Variants in TGIF1 observed in about 807,000 individuals in gnomAD.
The protein encoded by TGIF1 is TGFB induced factor homeobox 1, also known as homeobox protein TGIF1.
Under a neutral mutation model 19.3 loss-of-function variants are expected in TGIF1, and 4 were observed. The observed-to-expected ratio is 0.21, with a 90% CI of 0.10 to 0.47. The LOEUF is 0.47. Among genes scored for constraint, TGIF1 ranks in the 20% least tolerant of loss-of-function variants. The pLI, the probability that TGIF1 is intolerant of heterozygous loss-of-function variation, is 0.98. For missense variants in TGIF1, 275 were observed against 341.4 expected, an observed-to-expected ratio of 0.81 and a Z score of 1.53; for synonymous variants, 122 against 129.3, an observed-to-expected ratio of 0.94 and a Z score of 0.38.
chr18:3,456,671 G>A lies in TGIF1; in HGVS notation c.243+91G>A. 6 of 1,129,196 alleles carry A rather than the reference G, an allele frequency of 5.3e-6. No individual in the cohort carries two copies. Among genetic ancestry groups the A allele is most frequent in the Non-Finnish European group, 8.0e-6 (6 of 752,814 alleles). 69.9% of individuals were successfully genotyped at this position (1,129,196 alleles called of 1,614,324 possible). On this transcript the variant is annotated intron_variant, in intron 2 of 2. Coordinates refer to ENST00000343820, the MANE Select transcript of TGIF1 (RefSeq NM_003244.4). The surrounding 1 kb of genome is among the most constrained non-coding windows in gnomAD (Gnocchi z 4.2). ...TGTGTGTCAAGTCATTAAGCTCCTT[G>A]CCACTCAAAGACAGAAGGAATATCT...
intron 1 of TGIF1, among the ~76,000 whole-genome samples, chr18:3,452,800 C>G (rs2083020408): frequency 6.6e-6 from 1 of 152,160 alleles, no homozygotes; most frequent in South Asian, 2.1e-4. Flanking sequence ...GTCTGCAAAT[C>G]TTTTCAAGTT....
intron 2 of TGIF1, among the ~76,000 whole-genome samples, chr18:3,424,484 C>G (rs1028367153): frequency 4.3e-4 from 66 of 151,852 alleles, no homozygotes; most frequent in Non-Finnish European, 1.5e-4. Flanking sequence ...CCAGATTTCT[C>G]TCCTGTGATA....
At chr18:3,446,753 C>G (rs1163733908), upstream of TGIF1, among the ~76,000 whole-genome samples, 1 of 152,154 alleles carries the variant, frequency 6.6e-6, no homozygotes, top group Non-Finnish European at 1.5e-5. Flanking sequence ...GTCCAAGACC[C>G]TCTGACCTGA....
intron 2 of TGIF1, among the ~76,000 whole-genome samples, chr18:3,423,450 C>A (rs750553138): frequency 1.3e-5 from 2 of 151,866 alleles, no homozygotes; most frequent in Admixed American, 6.6e-5. Context: ...GAGGCCAGGG[C>A]GGGCAGATCA....
chr18:3,440,794 G>C (rs2082670827), intron 2 of TGIF1, among the ~76,000 whole-genome samples: 1 of 152,122 alleles, frequency 6.6e-6, no homozygotes, highest in South Asian at 2.1e-4. Flanking sequence ...ACGGATGTAG[G>C]CTCCCTGAGT....
chr18:3,430,968 G>A (rs2082539667), intron 2 of TGIF1, among the ~76,000 whole-genome samples: 1 of 152,092 alleles, frequency 6.6e-6, no homozygotes, highest in South Asian at 2.1e-4. Flanking sequence ...ACACATGTCT[G>A]TATGATCTGA....
chr18:3,457,217 C>A lies in TGIF1; in HGVS notation c.244-148C>A. 1.1e-6 allele frequency: 1 copy of A among 935,050 alleles called. No individual in the cohort carries two copies. Among genetic ancestry groups the A allele is most frequent in the Admixed American group, 2.1e-5 (1 of 47,972 alleles). The allele number at this position is 935,050 out of a possible 1,614,324, so 57.9% of individuals were successfully genotyped here. On this transcript the variant is annotated intron_variant, in intron 2 of 2. Transcript: ENST00000343820. The surrounding 1 kb of genome is among the most constrained non-coding windows in gnomAD (Gnocchi z 4.9). ...TGCTTTCTTGGCGGAGCTCAGATAC[C>A]TTGAAATAACATTGTAAATTCAGAT...
chr18:3,444,277 CTTTCT>C (rs1347667030), intron 2 of TGIF1, among the ~76,000 whole-genome samples: 35 of 123,558 alleles, frequency 2.8e-4, no homozygotes, highest in Admixed American at 1.4e-3. Flanking sequence ...TATAGTCTCA[CTTTCT>C]TTTCTTTTTT....
At chr18:3,438,575 T>C (rs1336672585) in intron 2 of TGIF1, among the ~76,000 whole-genome samples, 1 of 67,220 alleles carries the variant, frequency 1.5e-5, no homozygotes, top group Admixed American at 1.9e-4. Flanking sequence ...CATCTTCCAT[T>C]CCCATCATTT....
rs2049372591 is a variant in TGIF1 at position 3,456,828 on chromosome 18, T to C, written c.243+248T>C. 2 of 626,296 alleles carry C rather than the reference T, an allele frequency of 3.2e-6. No homozygotes were observed. The highest frequency in any genetic ancestry group is 5.4e-5 in the Admixed American group (2 of 36,850). The allele number at this position is 626,296 out of a possible 1,614,324, so 38.8% of individuals were successfully genotyped here. On this transcript the variant is annotated intron_variant, in intron 2 of 2. Transcript: ENST00000343820. This position sits in a 1 kb window ranked among gnomAD's most constrained non-coding sequence, Gnocchi z 4.2. ...GAACCTTCCTTTATGCAACAGACAT[T>C]AAAAGGAGGTTAAACCTTACTCTAT...
At chr18:3,418,766 T>G (rs2082364211) in intron 2 of TGIF1, 1 of 152,170 alleles carries the variant, frequency 6.6e-6, no homozygotes, top group South Asian at 2.1e-4. Context: ...ATTTAGATAT[T>G]AAAAATCTAG....
chr18:3,454,079 C>T (rs1300632498), intron 1 of TGIF1, among the ~76,000 whole-genome samples: 1 of 152,164 alleles, frequency 6.6e-6, no homozygotes, highest in Non-Finnish European at 1.5e-5. Flanking sequence ...TCTTAACTTC[C>T]TGTTACTTCA....
At position 3,431,576 on chromosome 18, in the gene TGIF1, G is replaced by A. The variant is rs1208881263; in HGVS notation, c.-45+13361G>A. ...GATACAAATAAGCAAACAAACAAATGGAGAAGGAAAAGCTTTTCCACAGAG... is the reference window on the plus strand; with the variant it reads ...GATACAAATAAGCAAACAAACAAATAGAGAAGGAAAAGCTTTTCCACAGAG... On this transcript the variant is annotated intron_variant, in intron 2 of 3. Transcript: ENST00000401449. Among the ~76,000 whole-genome samples the A allele has an allele frequency of 2.0e-5, 3 of 152,144 alleles. No homozygotes were observed. The East Asian group carries it at 5.8e-4, about 29-fold the overall frequency.
chr18:3,448,177 T>C, upstream of TGIF1: 1 of 984,800 alleles, frequency 1.0e-6, no homozygotes, highest in Non-Finnish European at 1.2e-6. Context: ...AAACAAAGCG[T>C]CTCCCCAGTA....
At chr18:3,452,156 C>CCTT (rs914760425) in intron 1 of TGIF1, 3 of 1,613,764 alleles carry the variant, frequency 1.9e-6, no homozygotes, top group African/African-American at 2.7e-5. Context: ...CTTTGGCCTA[C>CCTT]CTTCCCCCAG....
In TGIF1 at chr18:3,456,721, A is replaced by T. The variant is rs2049368009; in HGVS notation, c.243+141A>T. On this transcript the variant is annotated intron_variant, in intron 2 of 2. Coordinates refer to ENST00000343820, the MANE Select transcript of TGIF1 (RefSeq NM_003244.4). This position sits in a 1 kb window ranked among gnomAD's most constrained non-coding sequence, Gnocchi z 4.2. ...TTTTTATTGTAAACTTGATAGTGTT[A>T]AAAGCTAATAACTAGCTATTTAGAG... 1 of 790,142 alleles carries T rather than the reference A, an allele frequency of 1.3e-6. No individual in the cohort carries two copies. Among genetic ancestry groups the T allele is most frequent in the Admixed American group, 2.0e-5 (1 of 50,108 alleles). 48.9% of individuals were successfully genotyped at this position (790,142 alleles called of 1,614,324 possible).
intron 2 of TGIF1, among the ~76,000 whole-genome samples, chr18:3,426,949 G>A (rs1452747860): frequency 7.6e-6 from 1 of 132,094 alleles, no homozygotes; most frequent in East Asian, 2.2e-4. Context: ...TGGAGACGGA[G>A]TTTCACTCTT....
At chr18:3,425,783 G>A (rs1668312869) in intron 2 of TGIF1, among the ~76,000 whole-genome samples, 1 of 152,114 alleles carries the variant, frequency 6.6e-6, no homozygotes, top group Non-Finnish European at 1.5e-5. Context: ...CCTGCGTGGT[G>A]CCAGCATCGT....
rs141320486 is a variant in TGIF1 at position 3,429,445 on chromosome 18, C to T, written c.-45+11230C>T. On this transcript the variant is annotated intron_variant, in intron 2 of 3. Transcript: ENST00000401449. ...TTTTCTCAACTATGAGTGAAGTAAG[C>T]CTAACATTCCAAGCAAAAAAAAAAA... 2.3e-3 allele frequency among the ~76,000 whole-genome samples: 347 copies of T among 151,810 alleles called. 1 individual carries two copies. Among genetic ancestry groups the T allele is most frequent in the African/African-American group, 7.9e-3 (327 of 41,404 alleles).
Sources: gnomAD v4.1 joint callset for allele counts (sites outside exome capture counted in the v4.1 genomes callset) on GRCh38, gnomAD v4.1.1 for gene constraint, Gnocchi (gnomAD v3.1) non-coding constraint, MANE v1.5 for transcripts, NCBI Gene and HGNC (gene_info 2026-07-23, HGNC 2026-07-21) for gene names.